The following ARID4A variants were observed in gnomAD, a reference collection of about 807,000 sequenced individuals.
ARID4A encodes the protein AT-rich interactive domain-containing protein 4A.
ARID4A carries 39 observed loss-of-function variants against 148.6 expected under a neutral mutation model. The ratio of observed to expected loss-of-function variants is 0.26; its 90% CI spans 0.20 to 0.34. The LOEUF is 0.34. Among genes scored for constraint, ARID4A ranks in the 10% least tolerant of loss-of-function variants. The pLI is 1.00. For missense variants in ARID4A, 1,265 were observed against 1,449.1 expected (o/e 0.87, Z 2.06); for synonymous variants, 475 against 481.2 (o/e 0.99, Z 0.17).
chr14:58,320,480 C>A (rs1437575989), intron 7 of ARID4A, among the ~76,000 whole-genome samples: 5 of 152,052 alleles, frequency 3.3e-5, no homozygotes, highest in Non-Finnish European at 7.4e-5. Context: ...TATAGCGTCC[C>A]CCAGTTCCCC....
chr14:58,321,325 G>A (rs948499659), intron 7 of ARID4A, among the ~76,000 whole-genome samples: 75 of 151,936 alleles, frequency 4.9e-4, no homozygotes, highest in African/African-American at 1.8e-3. Flanking sequence ...ACATTTTTTG[G>A]TTATCGCTTA....
At chr14:58,318,220 C>G (rs1327620224) in intron 5 of ARID4A, among the ~76,000 whole-genome samples, 4 of 152,112 alleles carry the variant, frequency 2.6e-5, no homozygotes, top group Non-Finnish European at 5.9e-5. Context: ...TTTGTTCATT[C>G]TTCTAGGATT....
intron 11 of ARID4A, among the ~76,000 whole-genome samples, chr14:58,332,004 C>G (rs1014827510): frequency 2.8e-4 from 41 of 147,212 alleles, no homozygotes; most frequent in African/African-American, 8.0e-4. Flanking sequence ...TACCCCCCCC[C>G]CCCCAAAAAA....
At chr14:58,328,426 T>C (rs545233137) in intron 9 of ARID4A, 110 bp downstream of exon 9, 2 of 695,178 alleles carry the variant, frequency 2.9e-6, no homozygotes, top group South Asian at 2.1e-5. Flanking sequence ...TAATCATTCA[T>C]GAACTGAGAA....
intron 7 of ARID4A, among the ~76,000 whole-genome samples, chr14:58,322,990 T>A (rs1474238709): frequency 1.6e-5 from 2 of 125,748 alleles, no homozygotes; most frequent in Admixed American, 8.1e-5. Context: ...AATATATATA[T>A]ATATATATAT....
chr14:58,318,691 T>A lies in ARID4A; in HGVS notation c.355-20T>A. The A allele has an allele frequency of 6.2e-7, 1 of 1,613,432 alleles. No homozygotes were observed. The highest frequency in any genetic ancestry group is 8.5e-7 in the Non-Finnish European group (1 of 1,179,400). The stretch of plus-strand genomic sequence containing the variant: ...GATCTAGAGGTAAAACGTAATTTAA[T>A]TAATCTATTTCTTATACAGACACTT... On this transcript the variant is annotated intron_variant, in intron 6 of 23. Transcript: ENST00000355431.
chr14:58,317,821 C>G (rs2032570403), intron 5 of ARID4A, among the ~76,000 whole-genome samples: 1 of 151,610 alleles, frequency 6.6e-6, no homozygotes, highest in African/African-American at 2.4e-5. Flanking sequence ...CTTTCTGTTT[C>G]CTTATTTCAA....
intron 11 of ARID4A, among the ~76,000 whole-genome samples, chr14:58,336,090 G>T (rs1376705028): frequency 6.6e-6 from 1 of 151,940 alleles, no homozygotes; most frequent in African/African-American, 2.4e-5. Context: ...AACAAAAGAG[G>T]TTGTGGTTTT....
chr14:58,305,377 A>G (rs1236253711), intron 4 of ARID4A, among the ~76,000 whole-genome samples: 1 of 152,094 alleles, frequency 6.6e-6, no homozygotes, highest in Non-Finnish European at 1.5e-5. Context: ...GTTCTAATTT[A>G]CCAAGTAAAC....
In ARID4A at chr14:58,333,332, A is replaced by G. The variant is rs544753736; in HGVS notation, c.906+3163A>G. ...AATTGATCAAAAAGTCCATGTAAAC[A>G]TAAGTAATCATATCAATTATTCATT... is the stretch of plus-strand genomic sequence containing the variant. On this transcript the variant is annotated intron_variant, in intron 11 of 23. Coordinates refer to ENST00000355431, the MANE Select transcript of ARID4A (RefSeq NM_002892.4). Among the ~76,000 whole-genome samples, 5 of 152,178 alleles carry G rather than the reference A, an allele frequency of 3.3e-5. No individual in the cohort carries two copies. The South Asian group carries it at 8.3e-4, about 25-fold the overall frequency.
At chr14:58,359,335 A>G (rs2035030900) in intron 18 of ARID4A, 119 bp downstream of exon 18, 2 of 908,750 alleles carry the variant, frequency 2.2e-6, no homozygotes, top group African/African-American at 1.7e-5. Context: ...AGCAAGGTAT[A>G]TAGACCTCCC....
intron 11 of ARID4A, among the ~76,000 whole-genome samples, chr14:58,338,853 C>CA (rs966220539): frequency 2.7e-5 from 4 of 147,996 alleles, no homozygotes; most frequent in Non-Finnish European, 4.5e-5. Context: ...CATTATTGCA[C>CA]AAAAAAAAGT....
chr14:58,317,624 CTTTTT>C (rs71107933), intron 5 of ARID4A, among the ~76,000 whole-genome samples: 1 of 69,888 alleles, frequency 1.4e-5, no homozygotes, highest in Non-Finnish European at 2.4e-5. Flanking sequence ...TTATATTTGT[CTTTTT>C]TTTTTTTTTT....
At chr14:58,307,653 C>G (rs2031710944) in intron 5 of ARID4A, among the ~76,000 whole-genome samples, 1 of 152,150 alleles carries the variant, frequency 6.6e-6, no homozygotes, top group Non-Finnish European at 1.5e-5. Flanking sequence ...AACCTTGTCT[C>G]TACTAAAAAT....
chr14:58,315,039 A>G (rs1424507107), intron 5 of ARID4A, among the ~76,000 whole-genome samples: 2 of 152,140 alleles, frequency 1.3e-5, no homozygotes, highest in African/African-American at 2.4e-5. Flanking sequence ...GAATCACTTG[A>G]ATCTGGGAGG....
intron 7 of ARID4A, among the ~76,000 whole-genome samples, chr14:58,321,444 T>G (rs1438015582): frequency 6.6e-6 from 1 of 152,210 alleles, no homozygotes; most frequent in Non-Finnish European, 1.5e-5. Context: ...CTTTCCAGGA[T>G]GGCTTCTGTG....
At position 58,350,753 on chromosome 14, in the gene ARID4A, G is replaced by A. The variant is rs190736160; in HGVS notation, c.1405-320G>A. On this transcript the variant is annotated intron_variant, in intron 15 of 23. Transcript: ENST00000355431. ...TTATTATAGTCGAGAAATAATAAAA[G>A]TGAGATAAAATGATGTAGTAAACAA... is the stretch of plus-strand genomic sequence containing the variant. 5.0e-3 allele frequency among the ~76,000 whole-genome samples: 768 copies of A among 152,256 alleles called. 1 individual carries two copies. The highest frequency in any genetic ancestry group is 8.7e-3 in the Non-Finnish European group (590 of 68,020).
In ARID4A at chr14:58,364,373, G is replaced by A. The variant is rs149005396; in HGVS notation, c.2284G>A (p.Val762Ile). Residue 762 changes from valine (V) to isoleucine (I), a missense_variant, in exon 20 of 24, where the codon GTT (valine) becomes ATT (isoleucine). By Grantham distance (29) the Val-to-Ile change is conservative. This residue lies in a region of ARID4A where 666 missense variants were observed against 730.9 expected (regional missense o/e 0.91). Transcript: ENST00000355431. ...MQPLETLKLE[V>I]GENEQIVQIF... is the part of the protein sequence containing the mutation. Reference sequence around the variant, plus strand: ...GCCTTTAGAAACCCTGAAGTTAGAAGTTGGAGAGAATGAACAAATAGTACA... The same window carrying A: ...GCCTTTAGAAACCCTGAAGTTAGAAATTGGAGAGAATGAACAAATAGTACA... The A allele has an allele frequency of 5.0e-6, 8 of 1,601,992 alleles. No individual in the cohort carries two copies. The highest frequency in any genetic ancestry group is 6.8e-6 in the Non-Finnish European group (8 of 1,177,204).
Position 58,328,310 on chromosome 14 carries a change from C to G in ARID4A, c.656C>G (p.Ser219Cys). ...TGTTTAGTTCGATCATTTATTGATTCTAAATTGTGAGTAATGAATCCTTTA... is the reference window on the plus strand; with the variant it reads ...TGTTTAGTTCGATCATTTATTGATTGTAAATTGTGAGTAATGAATCCTTTA... ...DQCLVRSFID[S>C]KFYSIARKDI... The change falls in exon 9 of 24, where the codon TCT (serine) becomes TGT (cysteine). Residue 219 changes from serine (S) to cysteine (C), a missense_variant. This residue lies in a region of ARID4A where 249 missense variants were observed against 277.2 expected (regional missense o/e 0.90). Coordinates refer to ENST00000355431, the MANE Select transcript of ARID4A (RefSeq NM_002892.4). 1.3e-6 allele frequency: 2 copies of G among 1,588,572 alleles called. No individual in the cohort carries two copies. Among genetic ancestry groups the G allele is most frequent in the Non-Finnish European group, 8.6e-7 (1 of 1,158,198 alleles).
Sources: allele counts gnomAD v4.1 joint callset (sites outside exome capture counted in the v4.1 genomes callset), GRCh38; gene constraint gnomAD v4.1.1; regional missense constraint gnomAD v4.1.1; transcripts MANE v1.5; gene names NCBI Gene and HGNC (gene_info 2026-07-23, HGNC 2026-07-21).